TNFRSF14: variants seen among roughly 807,000 people sequenced by gnomAD.
The protein encoded by TNFRSF14 is TNF receptor superfamily member 14.
In TNFRSF14, 18 loss-of-function variants were observed where a neutral mutation model predicts 34.1. That is an observed-to-expected ratio of 0.53 (90% CI 0.36 to 0.78). The LOEUF is 0.78. Among genes scored for constraint, TNFRSF14 ranks in the 30% least tolerant of loss-of-function variants. The probability of loss-of-function intolerance (pLI) is 0.00; values close to 1 mark genes in which losing one functional copy is unlikely to be tolerated. For synonymous variants in TNFRSF14, 157 were observed against 153.2 expected (o/e 1.02, Z -0.18); for missense variants, 352 against 379.5 (o/e 0.93, Z 0.60).
chr1:2,563,071 C>G, intron 7 of TNFRSF14, 77 bp from the exon 8 acceptor site: 1 of 1,599,864 alleles, frequency 6.3e-7, no homozygotes, highest in Non-Finnish European at 8.5e-7. Context: ...AAACTGAAAG[C>G]AGTAAAATGA....
intron 3 of TNFRSF14, chr1:2,559,451 C>T: frequency 7.1e-7 from 1 of 1,413,760 alleles, no homozygotes; most frequent in Non-Finnish European, 9.4e-7. Flanking sequence ...AGATGGGAAA[C>T]CCGTTTGCGG....
chr1:2,561,102 G>A lies in TNFRSF14; in HGVS notation c.551+388G>A, dbSNP rs143743221. 79 of 324,508 alleles carry A rather than the reference G, an allele frequency of 2.4e-4. No individual in the cohort carries two copies. The highest frequency in any genetic ancestry group is 1.5e-3 in the African/African-American group (72 of 47,556). The allele number at this position is 324,508 out of a possible 1,614,324, so 20.1% of individuals were successfully genotyped here. A position where few individuals can be genotyped will look rare whatever the true frequency, so the allele number is the denominator to read the frequency against. On this transcript the variant is annotated intron_variant, in intron 5 of 7. Transcript: ENST00000355716. The surrounding 1 kb of genome is among the most constrained non-coding windows in gnomAD (Gnocchi z 6.0). ...AACACTCTGCTCTTTGTCCACCTTCGGGAGGACACCTTCAAATGCTGACCC... is the reference window on the plus strand; with the variant it reads ...AACACTCTGCTCTTTGTCCACCTTCAGGAGGACACCTTCAAATGCTGACCC...
rs577474919 is a variant in TNFRSF14, at chr1:2,557,559, C to T, written c.70-167C>T. ...CCACCCTATCCCGGGCTCCAGCGGT[C>T]GGCAAGGTTGTTCCATGAGCCTGGC... On this transcript the variant is annotated intron_variant, in intron 1 of 7. Coordinates refer to ENST00000355716, the MANE Select transcript of TNFRSF14 (RefSeq NM_003820.4). 3.3e-4 allele frequency among the ~76,000 whole-genome samples: 50 copies of T among 152,260 alleles called. No homozygotes were observed. The East Asian group carries it at 4.8e-3, about 15-fold the overall frequency.
rs1250856526 is a variant in TNFRSF14, at chr1:2,563,363, A to G, written c.*90A>G. The G allele has an allele frequency of 1.3e-6, 2 of 1,565,906 alleles. No homozygotes were observed. ...ACCTGGCGGAACCACCGGAGCCCGG[A>G]GGCTTGGGGGCTCCGCCCTGGGCTG... On this transcript the variant is annotated 3_prime_UTR_variant, in exon 8 of 8. Coordinates refer to ENST00000355716, the MANE Select transcript of TNFRSF14 (RefSeq NM_003820.4).
Position 2,556,642 on chromosome 1 carries a change from A to G in TNFRSF14, c.-23A>G. 1 of 1,607,630 alleles carries G rather than the reference A, an allele frequency of 6.2e-7. No homozygotes were observed. Among genetic ancestry groups the G allele is most frequent in the Non-Finnish European group, 8.5e-7 (1 of 1,177,070 alleles). ...GTTCATCCTGCTAGCTGGGTTCCCG[A>G]GCTGCCGGTCTGAGCCTGAGGCATG... On this transcript the variant is annotated 5_prime_UTR_variant, in exon 1 of 8. Coordinates refer to ENST00000355716, the MANE Select transcript of TNFRSF14 (RefSeq NM_003820.4).
rs927370433 is a variant in TNFRSF14, at chr1:2,558,346, A to G, written c.182A>G (p.Tyr61Cys). ...GTTCCCACTCTCTGGGCGGCAGGTT[A>G]TCGTGTGAAGGAGGCCTGCGGGGAG... is the stretch of plus-strand genomic sequence containing the variant. Reference protein sequence around the residue: ...SECCPKCSPGYRVKEACGELT... With the variant: ...SECCPKCSPGCRVKEACGELT... Residue 61 changes from tyrosine (Y) to cysteine (C), a missense_variant, in exon 3 of 8, where the codon TAT becomes TGT. Tyr to Cys is a radical substitution (Grantham distance 194). Transcript: ENST00000355716. The G allele has an allele frequency of 1.7e-5, 27 of 1,602,132 alleles. 1 individual carries two copies.
At position 2,563,434 on chromosome 1, in the gene TNFRSF14, G is replaced by A; in HGVS notation, c.*161G>A. On this transcript the variant is annotated 3_prime_UTR_variant, in exon 8 of 8. Transcript: ENST00000355716. ...AGGGAGAGGTGGGGCCCCTGCTGGG[G>A]TAGAGCTGGGGACGCCACGTGCCAT... The A allele has an allele frequency of 1.7e-6, 2 of 1,204,584 alleles. No individual in the cohort carries two copies. The highest frequency in any genetic ancestry group is 3.0e-5 in the South Asian group (2 of 65,574). 74.6% of individuals were successfully genotyped at this position (1,204,584 alleles called of 1,614,324 possible). A position where few individuals can be genotyped will look rare whatever the true frequency, so the allele number is the denominator to read the frequency against.
At position 2,561,648 on chromosome 1, in the gene TNFRSF14, C is replaced by A. The variant is rs375010878; in HGVS notation, c.552-25C>A. 2.5e-6 allele frequency: 4 copies of A among 1,611,968 alleles called. No individual in the cohort carries two copies. Among genetic ancestry groups the A allele is most frequent in the Non-Finnish European group, 3.4e-6 (4 of 1,179,476 alleles). ...CACTGGGCGCTGCACCTGCCTCTCC[C>A]ACGTCCTCGGCCCCACTCCCGCAGG... On this transcript the variant is annotated intron_variant, in intron 5 of 7. Coordinates refer to ENST00000355716, the MANE Select transcript of TNFRSF14 (RefSeq NM_003820.4). This position sits in a 1 kb window ranked among gnomAD's most constrained non-coding sequence, Gnocchi z 6.0.
At position 2,558,464 on chromosome 1, in the gene TNFRSF14, C is replaced by A. The variant is rs1244190262; in HGVS notation, c.300C>A (p.Asp100Glu). ...AGTGTCTGCAGTGCCAAATGTGTGA[C>A]CCAGGTAAGAGGCCAGCACAGCCGG... ...LSKCLQCQMCDPAMGLRASRN... is the reference protein window; with the variant it reads ...LSKCLQCQMCEPAMGLRASRN... Residue 100 changes from aspartate (D) to glutamate (E), a missense_variant, in exon 3 of 8, where the codon GAC (aspartate) becomes GAA (glutamate). Transcript: ENST00000355716. 3 of 1,613,138 alleles carry A rather than the reference C, an allele frequency of 1.9e-6. No homozygotes were observed.
Position 2,562,858 on chromosome 1 carries a change from A to G in TNFRSF14, c.695-7A>G, listed in dbSNP as rs1356302650. 2 of 1,613,874 alleles carry G rather than the reference A, an allele frequency of 1.2e-6. No individual in the cohort carries two copies. The highest frequency in any genetic ancestry group is 1.1e-5 in the South Asian group (1 of 91,076). ...CCCTCCCTGACCTGTGTGTCTGTGT[A>G]TTGCAGGTGATGTAGTCAAGGTGAT... On this transcript the variant is annotated splice_polypyrimidine_tract_variant and splice_region_variant and intron_variant, in intron 6 of 7. Transcript: ENST00000355716.
At chr1:2,560,195 C>T (rs894942194) in intron 4 of TNFRSF14, among the ~76,000 whole-genome samples, 2 of 152,188 alleles carry the variant, frequency 1.3e-5, no homozygotes, top group Admixed American at 1.3e-4. Flanking sequence ...GGAAGGGCCA[C>T]CCCAGGTTGC....
Position 2,561,174 on chromosome 1 carries a change from G to A in TNFRSF14, c.551+460G>A. The A allele has an allele frequency of 2.7e-6, 1 of 368,170 alleles. No individual in the cohort carries two copies. Among genetic ancestry groups the A allele is most frequent in the Non-Finnish European group, 4.9e-6 (1 of 203,894 alleles). 22.8% of individuals were successfully genotyped at this position (368,170 alleles called of 1,614,324 possible). ...ACTTCAGAGCTTCTTGGGAGGAGCT[G>A]GGGTCCCCCAGCGGAGCCTGGGATG... On this transcript the variant is annotated intron_variant, in intron 5 of 7. Coordinates refer to ENST00000355716, the MANE Select transcript of TNFRSF14 (RefSeq NM_003820.4). The surrounding 1 kb of genome is among the most constrained non-coding windows in gnomAD (Gnocchi z 6.0).
In TNFRSF14 at chr1:2,556,511, C is replaced by T. The variant is rs1644215043; in HGVS notation, c.-154C>T. ...CCCCCTGCTGCCCACTCTCCTGCTG[C>T]TCGGGTTCTGAGGCACAGCTTGTCA... On this transcript the variant is annotated 5_prime_UTR_variant, in exon 1 of 8. Transcript: ENST00000355716. 3 of 800,488 alleles carry T rather than the reference C, an allele frequency of 3.7e-6. No individual in the cohort carries two copies. Among genetic ancestry groups the T allele is most frequent in the African/African-American group, 1.7e-5 (1 of 58,828 alleles). The allele number at this position is 800,488 out of a possible 1,614,324, so 49.6% of individuals were successfully genotyped here.
chr1:2,558,309 C>T, intron 2 of TNFRSF14, 34 bp from the exon 3 acceptor site: 1 of 1,581,008 alleles, frequency 6.3e-7, no homozygotes, highest in Non-Finnish European at 8.6e-7. Flanking sequence ...GGGCCTCCCG[C>T]AGACTTGCGA....
intron 3 of TNFRSF14, chr1:2,559,046 C>A: frequency 7.3e-7 from 1 of 1,369,124 alleles, no homozygotes; most frequent in Non-Finnish European, 9.6e-7. Flanking sequence ...GAGCCTCATG[C>A]CAGGCTCAGC....
chr1:2,558,458 G>A lies in TNFRSF14; in HGVS notation c.294G>A (p.Met98Ile). 2 of 1,613,204 alleles carry A rather than the reference G, an allele frequency of 1.2e-6. No homozygotes were observed. The highest frequency in any genetic ancestry group is 1.7e-6 in the Non-Finnish European group (2 of 1,179,848). The change falls in exon 3 of 8, where the codon ATG becomes ATA. Residue 98 changes from methionine to isoleucine, a missense_variant. By Grantham distance (10) the Met-to-Ile change is conservative. Coordinates refer to ENST00000355716, the MANE Select transcript of TNFRSF14 (RefSeq NM_003820.4). ...NGLSKCLQCQMCDPAMGLRAS... is the reference protein window; with the variant it reads ...NGLSKCLQCQICDPAMGLRAS... ...TAAGCAAGTGTCTGCAGTGCCAAAT[G>A]TGTGACCCAGGTAAGAGGCCAGCAC... is the stretch of plus-strand genomic sequence containing the variant.
Position 2,561,544 on chromosome 1 carries a change from C to T in TNFRSF14, c.552-129C>T. 1 of 1,567,330 alleles carries T rather than the reference C, an allele frequency of 6.4e-7. No individual in the cohort carries two copies. Among genetic ancestry groups the T allele is most frequent in the Non-Finnish European group, 8.7e-7 (1 of 1,155,976 alleles). On this transcript the variant is annotated intron_variant, in intron 5 of 7. Coordinates refer to ENST00000355716, the MANE Select transcript of TNFRSF14 (RefSeq NM_003820.4). The surrounding 1 kb of genome is among the most constrained non-coding windows in gnomAD (Gnocchi z 6.0). ...CTCTGAGGTCTCATCCTGGAGCTGC[C>T]ACCAGCCCAGCCTCCCTGGGACCTG...
In TNFRSF14 at chr1:2,556,668, G is replaced by A. The variant is rs866524070; in HGVS notation, c.4G>A (p.Glu2Lys). 6.2e-7 allele frequency: 1 copy of A among 1,609,076 alleles called. No homozygotes were observed. The highest frequency in any genetic ancestry group is 8.5e-7 in the Non-Finnish European group (1 of 1,177,382). Residue 2 changes from glutamate (E) to lysine (K), a missense_variant, in exon 1 of 8, where the codon GAG becomes AAG. By Grantham distance (56) the Glu-to-Lys change is moderately conservative. Coordinates refer to ENST00000355716, the MANE Select transcript of TNFRSF14 (RefSeq NM_003820.4). ...GCTGCCGGTCTGAGCCTGAGGCATG[G>A]AGCCTCCTGGAGACTGGGGGCCTCC... is the stretch of plus-strand genomic sequence containing the variant. M[E>K]PPGDWGPPPW...
Position 2,561,659 on chromosome 1 carries a change from C to A in TNFRSF14, c.552-14C>A. On this transcript the variant is annotated splice_polypyrimidine_tract_variant and intron_variant, in intron 5 of 7. Coordinates refer to ENST00000355716, the MANE Select transcript of TNFRSF14 (RefSeq NM_003820.4). The surrounding 1 kb of genome is among the most constrained non-coding windows in gnomAD (Gnocchi z 6.0). ...GCACCTGCCTCTCCCACGTCCTCGG[C>A]CCCACTCCCGCAGGTGCAGCTGGCT... is the stretch of plus-strand genomic sequence containing the variant. The A allele has an allele frequency of 6.2e-7, 1 of 1,612,578 alleles. No individual in the cohort carries two copies. The highest frequency in any genetic ancestry group is 8.5e-7 in the Non-Finnish European group (1 of 1,179,708).
Sources: gnomAD v4.1 joint callset for allele counts (sites outside exome capture counted in the v4.1 genomes callset) on GRCh38, gnomAD v4.1.1 for gene constraint, Gnocchi (gnomAD v3.1) non-coding constraint, MANE v1.5 for transcripts, NCBI Gene and HGNC (gene_info 2026-07-23, HGNC 2026-07-21) for gene names.